TTC39B: variants seen among roughly 807,000 people sequenced by gnomAD.
The protein encoded by TTC39B is tetratricopeptide repeat protein 39B.
Under a neutral mutation model 96.6 loss-of-function variants are expected in TTC39B, and 92 were observed. That is an observed-to-expected ratio of 0.95 (90% confidence interval 0.80 to 1.13). The LOEUF is 1.13. Ranked by LOEUF, TTC39B falls within the 50% of genes most tolerant of loss-of-function variation. TTC39B has a pLI of 0.00. For synonymous variants in TTC39B, 367 were observed against 299.4 expected, an observed-to-expected ratio of 1.23 and a Z score of -2.33; for missense variants, 955 against 809.3, an observed-to-expected ratio of 1.18 and a Z score of -2.18.
chr9:15,255,587 A>C (rs1822722653), intron 2 of TTC39B, among the ~76,000 whole-genome samples: 1 of 151,602 alleles, frequency 6.6e-6, no homozygotes, highest in Non-Finnish European at 1.5e-5. Flanking sequence ...TGAAGGCGTC[A>C]GAAAAAAAAA....
intron 4 of TTC39B, among the ~76,000 whole-genome samples, 175 bp from the exon 5 acceptor site, chr9:15,211,572 T>C (rs568516950): frequency 1.7e-4 from 26 of 152,324 alleles, no homozygotes; most frequent in African/African-American, 6.3e-4. Flanking sequence ...CCAAGGACTT[T>C]CCAATGTAAA....
At chr9:15,264,755 A>G (rs764473241) in intron 2 of TTC39B, among the ~76,000 whole-genome samples, 7 of 149,736 alleles carry the variant, frequency 4.7e-5, no homozygotes, top group Non-Finnish European at 8.9e-5. Flanking sequence ...ATATCTTATA[A>G]CATCATGTTG....
chr9:15,251,773 T>TA (rs1184608322), intron 2 of TTC39B, among the ~76,000 whole-genome samples: 1 of 146,678 alleles, frequency 6.8e-6, no homozygotes, highest in Non-Finnish European at 1.5e-5. Flanking sequence ...GCTAAATGTA[T>TA]TTTTGATACT....
chr9:15,287,001 C>A (rs374914858), intron 1 of TTC39B, among the ~76,000 whole-genome samples: 16 of 148,714 alleles, frequency 1.1e-4, no homozygotes, highest in Admixed American at 2.7e-4. Flanking sequence ...GTCAAGGAAT[C>A]TTAGAAGGCT....
chr9:15,246,127 C>T (rs1249199566), intron 2 of TTC39B, among the ~76,000 whole-genome samples: 5 of 152,166 alleles, frequency 3.3e-5, no homozygotes, highest in African/African-American at 1.2e-4. Context: ...GTGGCACATG[C>T]CTGTAATCCC....
chr9:15,190,059 T>C (rs1818768389), intron 11 of TTC39B, among the ~76,000 whole-genome samples: 1 of 152,168 alleles, frequency 6.6e-6, no homozygotes, highest in Admixed American at 6.6e-5. Context: ...AACAGCAATA[T>C]TAACTTATTT....
intron 1 of TTC39B, among the ~76,000 whole-genome samples, chr9:15,295,840 G>A (rs920881957): frequency 5.3e-5 from 8 of 152,176 alleles, no homozygotes; most frequent in African/African-American, 1.9e-4. Context: ...TCTGCACATG[G>A]AGGACCTGGT....
exon 20 of TTC39B, chr9:15,165,556 A>T (rs1817502759): frequency 6.6e-6 from 1 of 152,218 alleles, no homozygotes; most frequent in African/African-American, 2.4e-5. Flanking sequence ...TAATTTATTT[A>T]AAAAAGAGGT....
At chr9:15,250,463 T>C (rs1008746292) in intron 2 of TTC39B, among the ~76,000 whole-genome samples, 1 of 151,930 alleles carries the variant, frequency 6.6e-6, no homozygotes, top group African/African-American at 2.4e-5. Flanking sequence ...ATGTAGGCTG[T>C]TATTGCCGAC....
intron 8 of TTC39B, among the ~76,000 whole-genome samples, chr9:15,199,480 A>C (rs991521022): frequency 2.5e-4 from 38 of 152,100 alleles, no homozygotes; most frequent in African/African-American, 7.7e-4. Flanking sequence ...TCACGCGTGT[A>C]ATCCCAGCAC....
intron 8 of TTC39B, among the ~76,000 whole-genome samples, chr9:15,193,924 G>A (rs1421664356): frequency 1.3e-5 from 2 of 152,170 alleles, no homozygotes; most frequent in South Asian, 4.1e-4. Flanking sequence ...CGAATGAAAA[G>A]AGACTAAGGA....
chr9:15,274,661 T>C (rs991509646), intron 1 of TTC39B, among the ~76,000 whole-genome samples: 3 of 152,192 alleles, frequency 2.0e-5, no homozygotes, highest in Admixed American at 1.3e-4. Context: ...ACGACTGTTG[T>C]TGGTCCTTGC....
chr9:15,171,917 T>C, exon 20 of TTC39B: 1 of 836,562 alleles, frequency 1.2e-6, no homozygotes, highest in African/African-American at 1.7e-5. Flanking sequence ...AACTGTTTTT[T>C]TGTCTCTTAT....
rs1564299876 is a variant in TTC39B, at chr9:15,167,014, ATATATATATATATATTTTTTTTTT to A, written c.*4981_*5004del. The stretch of plus-strand genomic sequence containing the variant: ...TATATATATATATATATATATATAT[ATATATATATATATATTTTTTTTTT>A]TTTTTTTTTTTTTTTTGAGACAGGG... On this transcript the variant is annotated 3_prime_UTR_variant, in exon 20 of 20. Transcript: ENST00000512701. 2.7e-3 allele frequency: 18 copies of A among 6,566 alleles called. 2 individuals carry two copies. The highest frequency in any genetic ancestry group is 6.3e-3 in the South Asian group (1 of 158). The allele number at this position is 6,566 out of a possible 1,614,324, so 0.4% of individuals were successfully genotyped here. A position where few individuals can be genotyped will look rare whatever the true frequency, so the allele number is the denominator to read the frequency against.
At chr9:15,274,653 G>C (rs1016483539) in intron 1 of TTC39B, among the ~76,000 whole-genome samples, 1 of 152,040 alleles carries the variant, frequency 6.6e-6, no homozygotes, top group East Asian at 1.9e-4. Flanking sequence ...CACCTGTAAC[G>C]ACTGTTGTTG....
At chr9:15,265,178 G>C (rs1332013156) in intron 2 of TTC39B, among the ~76,000 whole-genome samples, 1 of 149,912 alleles carries the variant, frequency 6.7e-6, no homozygotes, top group Non-Finnish European at 1.5e-5. Context: ...TATTTCTGTG[G>C]TTTGATTTTT....
intron 2 of TTC39B, among the ~76,000 whole-genome samples, chr9:15,255,463 T>C (rs1293295047): frequency 6.6e-6 from 1 of 151,974 alleles, no homozygotes; most frequent in Admixed American, 6.6e-5. Flanking sequence ...ACACAAGCAA[T>C]GAAGAAGTTT....
rs146269567 is a variant in TTC39B at position 15,197,621 on chromosome 9, T to C, written c.824+2240A>G. Among the ~76,000 whole-genome samples, 26 of 151,868 alleles carry C rather than the reference T, an allele frequency of 1.7e-4. 1 individual carries two copies. The South Asian group carries it at 5.2e-3, about 30-fold the overall frequency. On this transcript the variant is annotated intron_variant, in intron 8 of 19. Coordinates refer to ENST00000512701, the Ensembl canonical transcript of TTC39B. ...GTAGGAGTCTCAGGAGAGAAGAAAG[T>C]AAGAATGGGGCAGAAAAAAAAAGTT...
intron 5 of TTC39B, among the ~76,000 whole-genome samples, chr9:15,210,786 C>G (rs1222563698): frequency 6.6e-6 from 1 of 152,036 alleles, no homozygotes; most frequent in Non-Finnish European, 1.5e-5. Flanking sequence ...AAATAACTTA[C>G]CCCTTGAAAA....
Sources: allele counts gnomAD v4.1 joint callset (sites outside exome capture counted in the v4.1 genomes callset), GRCh38; gene constraint gnomAD v4.1.1; transcripts MANE v1.5; gene names NCBI Gene and HGNC (gene_info 2026-07-23, HGNC 2026-07-21).